The following PCDH7 variants were observed in gnomAD, a reference collection of about 807,000 sequenced individuals.
The protein encoded by PCDH7 is protocadherin-7.
A neutral mutation model predicts 58.9 loss-of-function variants in PCDH7; 17 were observed. The ratio of observed to expected loss-of-function variants is 0.29; its 90% CI spans 0.20 to 0.43. The LOEUF (loss-of-function observed/expected upper bound fraction) is 0.43, where lower values mean the gene tolerates loss of function less well. Among genes scored for constraint, PCDH7 ranks in the 20% least tolerant of loss-of-function variants. PCDH7 has a pLI of 1.00. For synonymous variants in PCDH7, 664 were observed against 616.4 expected, an observed-to-expected ratio of 1.08 and a Z score of -1.14; for missense variants, 1,274 against 1,441.0, an observed-to-expected ratio of 0.88 and a Z score of 1.88.
intron 1 of PCDH7, among the ~76,000 whole-genome samples, chr4:30,879,720 C>A (rs575440875): frequency 2.0e-5 from 3 of 152,028 alleles, no homozygotes; most frequent in African/African-American, 4.8e-5. Flanking sequence ...CATAACCCTG[C>A]CACTTGCAGA....
chr4:30,866,074 T>C (rs1191009587), intron 1 of PCDH7, among the ~76,000 whole-genome samples: 2 of 152,114 alleles, frequency 1.3e-5, no homozygotes, highest in Non-Finnish European at 2.9e-5. Flanking sequence ...CACTCCTGTC[T>C]TTTTAAAGCT....
intron 3 of PCDH7, among the ~76,000 whole-genome samples, chr4:31,101,781 G>T (rs192326778): frequency 1.3e-5 from 2 of 152,298 alleles, no homozygotes; most frequent in East Asian, 3.9e-4. Flanking sequence ...TTTTATAAAT[G>T]CAAGGCACTG....
At chr4:30,975,732 G>T (rs567183097) in intron 3 of PCDH7, among the ~76,000 whole-genome samples, 82 of 152,156 alleles carry the variant, frequency 5.4e-4, no homozygotes, top group African/African-American at 1.9e-3. Flanking sequence ...AAATGCCCTT[G>T]GTCCTGAAAG....
intron 1 of PCDH7, among the ~76,000 whole-genome samples, chr4:30,755,260 T>C (rs1231953010): frequency 6.6e-6 from 1 of 152,210 alleles, no homozygotes; most frequent in African/African-American, 2.4e-5. Flanking sequence ...AAATTACAGA[T>C]GTTTCTCTGT....
At chr4:31,048,819 C>T (rs796995145) in intron 3 of PCDH7, among the ~76,000 whole-genome samples, 9 of 152,172 alleles carry the variant, frequency 5.9e-5, no homozygotes, top group African/African-American at 1.7e-4. Flanking sequence ...GTAAGCTCTT[C>T]TTCCAAACAA....
chr4:31,071,388 T>C (rs1188284329), intron 3 of PCDH7, among the ~76,000 whole-genome samples: 2 of 152,056 alleles, frequency 1.3e-5, no homozygotes, highest in Non-Finnish European at 2.9e-5. Flanking sequence ...AATCAGTGTT[T>C]AATTAAGAAA....
At chr4:30,940,579 T>C (rs1745909538) in intron 2 of PCDH7, among the ~76,000 whole-genome samples, 1 of 152,062 alleles carries the variant, frequency 6.6e-6, no homozygotes, top group Non-Finnish European at 1.5e-5. Flanking sequence ...TAAAATAAAC[T>C]TAGCCATCAT....
chr4:30,750,977 G>GA (rs35464331), intron 1 of PCDH7, among the ~76,000 whole-genome samples: 69,434 of 151,750 alleles, frequency 0.46, 16,533 homozygotes, highest in Middle Eastern at 0.53. Context: ...TGCAGGGAAG[G>GA]AAAAAAACGC....
chr4:31,011,957 A>G (rs910842422), intron 3 of PCDH7, among the ~76,000 whole-genome samples: 2 of 152,108 alleles, frequency 1.3e-5, no homozygotes, highest in Non-Finnish European at 2.9e-5. Flanking sequence ...CTTTTAGTTA[A>G]ATATTTTAAT....
intron 3 of PCDH7, among the ~76,000 whole-genome samples, chr4:31,067,678 C>A (rs567260418): frequency 6.6e-6 from 1 of 152,068 alleles, no homozygotes; most frequent in South Asian, 2.1e-4. Flanking sequence ...GTTTGCTAGG[C>A]TTCCATTATA....
chr4:31,056,077 A>C lies in PCDH7; in HGVS notation c.*8-86396A>C, dbSNP rs577307100. Among the ~76,000 whole-genome samples the C allele has an allele frequency of 4.6e-5, 7 of 152,248 alleles. No homozygotes were observed. In the South Asian group the frequency reaches 1.5e-3, roughly 32 times the overall value. On this transcript the variant is annotated intron_variant, in intron 3 of 3. Coordinates refer to the PCDH7 transcript ENST00000509759. ...AATGTATCCCAGAAGTGGACTTAGA[A>C]AATAATGAGAGCCGGGCGTGGTGGC...
At chr4:31,116,141 C>G (rs537703790) in intron 3 of PCDH7, among the ~76,000 whole-genome samples, 19 of 152,182 alleles carry the variant, frequency 1.2e-4, no homozygotes, top group African/African-American at 4.3e-4. Flanking sequence ...AAAATAAGTG[C>G]CTCTGACACT....
chr4:31,085,647 A>G (rs1712311877), intron 3 of PCDH7, among the ~76,000 whole-genome samples: 1 of 152,120 alleles, frequency 6.6e-6, no homozygotes, highest in Admixed American at 6.6e-5. Flanking sequence ...CCAACACTAG[A>G]TATTACATTT....
intron 1 of PCDH7, among the ~76,000 whole-genome samples, chr4:30,801,173 G>A (rs2109306286): frequency 6.6e-6 from 1 of 152,218 alleles, no homozygotes; most frequent in East Asian, 1.9e-4. Flanking sequence ...TTAGATGTTG[G>A]GGAAAAGAGA....
intron 3 of PCDH7, among the ~76,000 whole-genome samples, chr4:30,963,483 TAAC>T (rs1748677229): frequency 6.6e-6 from 1 of 152,324 alleles, no homozygotes; most frequent in East Asian, 1.9e-4. Flanking sequence ...TAATTTCACC[TAAC>T]AATGAGTATT....
chr4:30,826,045 A>G (rs1729057411), intron 1 of PCDH7, among the ~76,000 whole-genome samples: 1 of 152,064 alleles, frequency 6.6e-6, no homozygotes, highest in African/African-American at 2.4e-5. Flanking sequence ...TCTTTCAAGC[A>G]TCATTGCTGC....
At position 31,097,632 on chromosome 4, in the gene PCDH7, AT is replaced by A. The variant is rs1362032087; in HGVS notation, c.*8-44840del. On this transcript the variant is annotated intron_variant, in intron 3 of 3. Coordinates refer to the PCDH7 transcript ENST00000509759. ...TATATATATATATATATATATATAT[AT>A]ATATAAATCTTTTTTCTGTAATTTC... Among the ~76,000 whole-genome samples, 315 of 42,048 alleles carry A rather than the reference AT, an allele frequency of 7.5e-3. 32 individuals are homozygous for A. Among genetic ancestry groups the A allele is most frequent in the African/African-American group, 0.046 (225 of 4,902 alleles). The allele number at this position is 42,048 out of a possible 152,430, so 27.6% of individuals were successfully genotyped here. A position where few individuals can be genotyped will look rare whatever the true frequency, so the allele number is the denominator to read the frequency against.
chr4:30,736,633 T>G (rs2109243801), downstream of PCDH7, among the ~76,000 whole-genome samples: 1 of 151,712 alleles, frequency 6.6e-6, no homozygotes, highest in South Asian at 2.1e-4. Flanking sequence ...CCTCCCGGAT[T>G]CGCGCCATTC....
At chr4:30,785,581 G>C (rs560427325) in intron 1 of PCDH7, among the ~76,000 whole-genome samples, 1 of 152,002 alleles carries the variant, frequency 6.6e-6, no homozygotes, top group South Asian at 2.1e-4. Flanking sequence ...AGCTAATATT[G>C]ATAATATACT....
Sources: gnomAD v4.1 joint callset for allele counts (sites outside exome capture counted in the v4.1 genomes callset) on GRCh38, gnomAD v4.1.1 for gene constraint, MANE v1.5 for transcripts, NCBI Gene and HGNC (gene_info 2026-07-23, HGNC 2026-07-21) for gene names.